Variants in CNTNAP2 observed in about 807,000 individuals in gnomAD.
The protein encoded by CNTNAP2 is contactin associated protein 2.
A neutral mutation model predicts 155.2 loss-of-function variants in CNTNAP2; 98 were observed. The observed-to-expected ratio is 0.63, with a 90% CI of 0.54 to 0.75. The LOEUF (loss-of-function observed/expected upper bound fraction) is 0.75, where lower values mean the gene tolerates loss of function less well. Among genes scored for constraint, CNTNAP2 ranks in the 30% least tolerant of loss-of-function variants. The pLI is 0.00. For synonymous variants in CNTNAP2, 651 were observed against 631.2 expected (o/e 1.03, Z -0.47); for missense variants, 1,727 against 1,688.1 (o/e 1.02, Z -0.40).
intron 1 of CNTNAP2, among the ~76,000 whole-genome samples, chr7:146,275,737 G>A (rs773384965): frequency 2.6e-5 from 4 of 152,148 alleles, no homozygotes; most frequent in African/African-American, 9.7e-5. Flanking sequence ...ATGCGATGTA[G>A]GCACAATACT....
rs1298431662 is a variant in CNTNAP2, at chr7:148,419,952, C to T, written c.*4336C>T. On this transcript the variant is annotated 3_prime_UTR_variant, in exon 24 of 24. Transcript: ENST00000361727. ...CCATTGATTCTTGACTGCAAAATAC[C>T]TTGAAACCCTTATATAAAGACTGAA... 1 of 152,152 alleles carries T rather than the reference C, an allele frequency of 6.6e-6. No homozygotes were observed. The highest frequency in any genetic ancestry group is 6.5e-5 in the Admixed American group (1 of 15,276). The allele number at this position is 152,152 out of a possible 1,614,324, so 9.4% of individuals were successfully genotyped here. A position where few individuals can be genotyped will look rare whatever the true frequency, so the allele number is the denominator to read the frequency against.
At chr7:147,443,378 G>T (rs1797677099) in intron 10 of CNTNAP2, among the ~76,000 whole-genome samples, 1 of 152,186 alleles carries the variant, frequency 6.6e-6, no homozygotes, top group Non-Finnish European at 1.5e-5. Context: ...CCTCACCCAT[G>T]CTGCCACTGC....
chr7:148,303,181 G>A (rs1039918879), intron 21 of CNTNAP2, among the ~76,000 whole-genome samples: 2 of 152,098 alleles, frequency 1.3e-5, no homozygotes, highest in African/African-American at 4.8e-5. Context: ...AATACTAATA[G>A]AACAAATATT....
At chr7:146,856,138 A>G (rs1794977703) in intron 3 of CNTNAP2, among the ~76,000 whole-genome samples, 1 of 152,026 alleles carries the variant, frequency 6.6e-6, no homozygotes. Flanking sequence ...AAACCTGGAC[A>G]ATTTGAACAC....
At chr7:148,181,746 T>A (rs1048130143) in intron 18 of CNTNAP2, among the ~76,000 whole-genome samples, 1 of 25,596 alleles carries the variant, frequency 3.9e-5, no homozygotes, top group African/African-American at 1.2e-4. Context: ...GTGCCCTTTT[T>A]TTTTTTTTTT....
In CNTNAP2 at chr7:148,153,759, T is replaced by C. The variant is rs115250913; in HGVS notation, c.2773+6050T>C. 6.7e-3 allele frequency among the ~76,000 whole-genome samples: 1,019 copies of C among 152,266 alleles called. 25 individuals carry two copies. The highest frequency in any genetic ancestry group is 0.023 in the African/African-American group (960 of 41,550). On this transcript the variant is annotated intron_variant, in intron 17 of 23. Transcript: ENST00000361727. ...GGCAGGAGTGGGAGAAGGCAAGATA[T>C]CTGCTGGGCCCCCAGCCTGGGAGGC...
chr7:147,540,342 C>T (rs568859530), intron 11 of CNTNAP2, among the ~76,000 whole-genome samples: 1 of 152,282 alleles, frequency 6.6e-6, no homozygotes, highest in East Asian at 1.9e-4. Context: ...GCCTCCACTT[C>T]ATTTTTCAGA....
At chr7:146,812,513 A>G (rs532658159) in intron 2 of CNTNAP2, among the ~76,000 whole-genome samples, 2 of 151,124 alleles carry the variant, frequency 1.3e-5, no homozygotes, top group African/African-American at 4.9e-5. Context: ...AGTTTGTTAC[A>G]TATGTATACA....
chr7:147,765,015 T>A (rs1360014592), intron 13 of CNTNAP2, among the ~76,000 whole-genome samples: 1 of 152,206 alleles, frequency 6.6e-6, no homozygotes, highest in Admixed American at 6.5e-5. Flanking sequence ...CTGGTCGAAT[T>A]TAATTATGCT....
chr7:146,784,804 C>A (rs1563229765), intron 2 of CNTNAP2, among the ~76,000 whole-genome samples: 1 of 152,106 alleles, frequency 6.6e-6, no homozygotes, highest in Non-Finnish European at 1.5e-5. Context: ...ACCACACCTC[C>A]CTCTGTGCGT....
At chr7:147,403,957 T>G (rs1354182900) in intron 10 of CNTNAP2, among the ~76,000 whole-genome samples, 2 of 152,204 alleles carry the variant, frequency 1.3e-5, no homozygotes, top group African/African-American at 4.8e-5. Context: ...CATTTCCAGG[T>G]TGACCATCTC....
chr7:148,172,846 A>C (rs1794848395), intron 18 of CNTNAP2, among the ~76,000 whole-genome samples: 1 of 152,182 alleles, frequency 6.6e-6, no homozygotes, highest in African/African-American at 2.4e-5. Context: ...TCAATTGATC[A>C]GTCAATTTCT....
At chr7:147,190,768 G>A (rs1221169690) in intron 8 of CNTNAP2, among the ~76,000 whole-genome samples, 1 of 152,206 alleles carries the variant, frequency 6.6e-6, no homozygotes, top group Non-Finnish European at 1.5e-5. Flanking sequence ...GTGACTTTAT[G>A]AAGCATTAAA....
chr7:146,536,180 C>T (rs2129140249), intron 1 of CNTNAP2, among the ~76,000 whole-genome samples: 1 of 152,190 alleles, frequency 6.6e-6, no homozygotes, highest in South Asian at 2.1e-4. Flanking sequence ...TAGCAAAGGA[C>T]AGCAAATTGC....
chr7:147,851,107 C>T (rs1798930571), intron 13 of CNTNAP2, among the ~76,000 whole-genome samples: 2 of 152,280 alleles, frequency 1.3e-5, no homozygotes, highest in South Asian at 2.1e-4. Flanking sequence ...AACAAGTGGG[C>T]GAAGGACATG....
intron 21 of CNTNAP2, among the ~76,000 whole-genome samples, chr7:148,316,076 G>A (rs1208992042): frequency 6.6e-6 from 1 of 151,702 alleles, no homozygotes; most frequent in African/African-American, 2.4e-5. Context: ...AAGATAGAGG[G>A]AAAAAAAATA....
chr7:147,211,739 C>A (rs779935622), intron 8 of CNTNAP2, among the ~76,000 whole-genome samples: 8 of 151,852 alleles, frequency 5.3e-5, no homozygotes, highest in Non-Finnish European at 1.2e-4. Context: ...TGGACTCCAG[C>A]CTTGGGAAAA....
chr7:146,784,262 A>G (rs947834360), intron 2 of CNTNAP2, among the ~76,000 whole-genome samples: 1 of 152,208 alleles, frequency 6.6e-6, no homozygotes, highest in African/African-American at 2.4e-5. Context: ...CATCAATGCT[A>G]TCACATTGAT....
At chr7:147,554,020 A>G (rs1799903733) in intron 11 of CNTNAP2, among the ~76,000 whole-genome samples, 1 of 152,198 alleles carries the variant, frequency 6.6e-6, no homozygotes, top group South Asian at 2.1e-4. Flanking sequence ...ATGGAGACTC[A>G]GGAGATGCAG....
Sources: allele counts gnomAD v4.1 joint callset (sites outside exome capture counted in the v4.1 genomes callset), GRCh38; gene constraint gnomAD v4.1.1; transcripts MANE v1.5; gene names NCBI Gene and HGNC (gene_info 2026-07-23, HGNC 2026-07-21).